Variants in ZMIZ1 observed in about 807,000 individuals in gnomAD.
ZMIZ1 encodes the protein zinc finger MIZ domain-containing protein 1.
In ZMIZ1, 17 loss-of-function variants were observed where a neutral mutation model predicts 113.9. The observed-to-expected ratio is 0.15, with a 90% CI of 0.10 to 0.22. The LOEUF is 0.22. Ranked by LOEUF, ZMIZ1 falls within the 10% of genes least tolerant of loss-of-function variation. ZMIZ1 has a pLI of 1.00. For missense variants in ZMIZ1, 1,059 were observed against 1,477.8 expected, an observed-to-expected ratio of 0.72 and a Z score of 4.65; for synonymous variants, 607 against 603.1, an observed-to-expected ratio of 1.01 and a Z score of -0.09.
chr10:79,202,189 G>GGAAAAAAAAA (rs1564716548), intron 5 of ZMIZ1, among the ~76,000 whole-genome samples: 3 of 52,628 alleles, frequency 5.7e-5, no homozygotes, highest in Non-Finnish European at 1.1e-4. Flanking sequence ...CCCTGTCTCA[G>GGAAAAAAAAA]AAAAAAAAAA....
chr10:79,124,620 G>A (rs569709575), intron 2 of ZMIZ1, among the ~76,000 whole-genome samples: 1 of 152,362 alleles, frequency 6.6e-6, no homozygotes, highest in East Asian at 1.9e-4. Flanking sequence ...CCGGAGTTCT[G>A]AGTAGAGGTC....
intron 2 of ZMIZ1, among the ~76,000 whole-genome samples, chr10:79,135,717 C>G (rs1844972412): frequency 6.6e-6 from 1 of 152,200 alleles, no homozygotes; most frequent in Admixed American, 6.5e-5. Flanking sequence ...GCTTTGGGGT[C>G]CAAGGGCCAG....
chr10:79,124,652 C>A (rs917709617), intron 2 of ZMIZ1, among the ~76,000 whole-genome samples: 4 of 152,168 alleles, frequency 2.6e-5, no homozygotes, highest in African/African-American at 9.7e-5. Flanking sequence ...TGCAGGGTTG[C>A]TAGGTAGGTG....
chr10:79,150,716 G>C lies in ZMIZ1; in HGVS notation c.-131+10939G>C, dbSNP rs146134052. On this transcript the variant is annotated intron_variant, in intron 3 of 24. Coordinates refer to ENST00000334512, the MANE Select transcript of ZMIZ1 (RefSeq NM_020338.4). ...ATGTGTGCCCTGTGAAGACAGCCAGGCTTGGGGGGTGATAACACAAAACCT... is the reference window on the plus strand; with the variant it reads ...ATGTGTGCCCTGTGAAGACAGCCAGCCTTGGGGGGTGATAACACAAAACCT... Among the ~76,000 whole-genome samples, 556 of 152,274 alleles carry C rather than the reference G, an allele frequency of 3.7e-3. 7 individuals carry two copies. Among genetic ancestry groups the C allele is most frequent in the African/African-American group, 0.013 (537 of 41,562 alleles).
At chr10:79,095,751 G>T (rs1490665109) in intron 1 of ZMIZ1, among the ~76,000 whole-genome samples, 1 of 152,214 alleles carries the variant, frequency 6.6e-6, no homozygotes, top group Admixed American at 6.5e-5. Flanking sequence ...TCTTCAGGGT[G>T]CAATCAATTT....
In ZMIZ1 at chr10:79,208,434, G is replaced by A. The variant is rs150680975; in HGVS notation, c.159G>A (p.Leu53=). The A allele has an allele frequency of 4.0e-5, 65 of 1,613,584 alleles. No individual in the cohort carries two copies. Among genetic ancestry groups the A allele is most frequent in the Non-Finnish European group, 5.3e-5 (62 of 1,180,020 alleles). ...RAFQRPFEQS[L]MGCLTVVSRV... ...TCCAGCGGCCCTTCGAGCAGAGCCTGATGGGCTGTTTGACGGTGAGTCTGC... is the reference window on the plus strand; with the variant it reads ...TCCAGCGGCCCTTCGAGCAGAGCCTAATGGGCTGTTTGACGGTGAGTCTGC... Residue 53 remains leucine (L), a synonymous_variant, in exon 6 of 25, where the codon CTG becomes CTA. Coordinates refer to ENST00000334512, the MANE Select transcript of ZMIZ1 (RefSeq NM_020338.4).
At chr10:79,217,239 C>T (rs977091235) in intron 7 of ZMIZ1, among the ~76,000 whole-genome samples, 15 of 152,218 alleles carry the variant, frequency 9.9e-5, no homozygotes, top group Admixed American at 3.3e-4. Context: ...CTGGCTAACA[C>T]GGTGAAACCC....
chr10:79,260,058 C>T (rs1216854847), intron 7 of ZMIZ1, among the ~76,000 whole-genome samples: 1 of 152,196 alleles, frequency 6.6e-6, no homozygotes, highest in Non-Finnish European at 1.5e-5. Flanking sequence ...GTGCCCCAGA[C>T]TAGGCTGTGT....
At position 79,315,420 on chromosome 10, in the gene ZMIZ1, G is replaced by A. The variant is rs914191562; in HGVS notation, c.*2671G>A. 5 of 152,830 alleles carry A rather than the reference G, an allele frequency of 3.3e-5. No homozygotes were observed. Among genetic ancestry groups the A allele is most frequent in the East Asian group, 3.8e-4 (2 of 5,324 alleles). 9.5% of individuals were successfully genotyped at this position (152,830 alleles called of 1,614,324 possible). The stretch of plus-strand genomic sequence containing the variant: ...TGATCCTTTCGGACGACTACTTGGA[G>A]CCATAAGTAACCTCAGCAAAAACGA... On this transcript the variant is annotated 3_prime_UTR_variant, in exon 25 of 25. Coordinates refer to ENST00000334512, the MANE Select transcript of ZMIZ1 (RefSeq NM_020338.4).
At chr10:79,105,662 A>G (rs1843529387) in intron 1 of ZMIZ1, among the ~76,000 whole-genome samples, 1 of 152,246 alleles carries the variant, frequency 6.6e-6, no homozygotes. Flanking sequence ...GCAGGCAGCA[A>G]AACAGTGCCA....
rs1852364817 is a variant in ZMIZ1, at chr10:79,277,340, G to A, written c.425+15G>A. 5 of 1,588,686 alleles carry A rather than the reference G, an allele frequency of 3.1e-6. No homozygotes were observed. The East Asian group carries it at 7.1e-5, about 22-fold the overall frequency. On this transcript the variant is annotated intron_variant, in intron 8 of 24. Transcript: ENST00000334512. ...CTGTCGCACAGGTAAGTGGGTGGGT[G>A]CCATGGGTGCAGGTACTGAGCAGAC...
At chr10:79,229,450 GA>G (rs1849311185) in intron 7 of ZMIZ1, among the ~76,000 whole-genome samples, 1 of 152,116 alleles carries the variant, frequency 6.6e-6, no homozygotes, top group Non-Finnish European at 1.5e-5. Flanking sequence ...GGCCAGGTGA[GA>G]AACACTGCCT....
intron 1 of ZMIZ1, among the ~76,000 whole-genome samples, chr10:79,084,172 G>C (rs924522848): frequency 6.6e-6 from 1 of 152,148 alleles, no homozygotes; most frequent in African/African-American, 2.4e-5. Context: ...ATCCTTAAGA[G>C]CCCAGCTCAA....
intron 7 of ZMIZ1, among the ~76,000 whole-genome samples, chr10:79,231,934 G>A (rs999028982): frequency 1.4e-4 from 22 of 152,234 alleles, no homozygotes; most frequent in Non-Finnish European, 1.6e-4. Flanking sequence ...CAGTGAGACT[G>A]AGGCTGGCTC....
intron 7 of ZMIZ1, among the ~76,000 whole-genome samples, chr10:79,268,458 C>T (rs563770858): frequency 1.3e-5 from 2 of 152,354 alleles, no homozygotes; most frequent in Admixed American, 1.3e-4. Flanking sequence ...GTCACAGATG[C>T]TGCTCCAGTT....
intron 2 of ZMIZ1, among the ~76,000 whole-genome samples, chr10:79,135,350 C>G (rs1233787972): frequency 6.6e-6 from 1 of 152,158 alleles, no homozygotes; most frequent in Non-Finnish European, 1.5e-5. Context: ...CCTTCTCTCC[C>G]CAGCCCTGCA....
intron 7 of ZMIZ1, among the ~76,000 whole-genome samples, chr10:79,261,404 G>A (rs750991692): frequency 2.6e-5 from 4 of 152,314 alleles, no homozygotes; most frequent in Middle Eastern, 3.4e-3. Context: ...GGCGCTGGAG[G>A]GGGAGGAGGG....
At chr10:79,173,601 C>T (rs936137316) in intron 4 of ZMIZ1, among the ~76,000 whole-genome samples, 71 of 152,140 alleles carry the variant, frequency 4.7e-4, no homozygotes, top group Admixed American at 1.5e-3. Context: ...AGGGACCTGC[C>T]TAAGACTACC....
chr10:79,265,528 G>A (rs951468544), intron 7 of ZMIZ1, among the ~76,000 whole-genome samples: 2 of 148,772 alleles, frequency 1.3e-5, no homozygotes, highest in African/African-American at 5.0e-5. Flanking sequence ...GGTACAGGGA[G>A]CAGAACATGG....
Sources: gnomAD v4.1 joint callset for allele counts (sites outside exome capture counted in the v4.1 genomes callset) on GRCh38, gnomAD v4.1.1 for gene constraint, MANE v1.5 for transcripts, NCBI Gene and HGNC (gene_info 2026-07-23, HGNC 2026-07-21) for gene names.